The following JAG2 variants were observed in gnomAD, a reference collection of about 807,000 sequenced individuals.
JAG2 encodes the protein jagged canonical Notch ligand 2.
A neutral mutation model predicts 141.7 loss-of-function variants in JAG2; 46 were observed. The observed-to-expected ratio is 0.32, with a 90% CI of 0.26 to 0.42. JAG2 has a LOEUF of 0.42. Among genes scored for constraint, JAG2 ranks in the 10% least tolerant of loss-of-function variants. The probability of loss-of-function intolerance (pLI) is 1.00; values close to 1 mark genes in which losing one functional copy is unlikely to be tolerated. For missense variants in JAG2, 1,500 were observed against 1,817.5 expected (o/e 0.83, Z 3.18); for synonymous variants, 862 against 763.5 (o/e 1.13, Z -2.13).
intron 23 of JAG2, 123 bp downstream of exon 23, chr14:105,145,608 A>G: frequency 7.8e-7 from 1 of 1,283,080 alleles, no homozygotes. Context: ...ACTCTCTGTG[A>G]CCAAGAGTGA....
In JAG2 at chr14:105,142,775, C is replaced by T. The variant is rs754321904; in HGVS notation, c.3637G>A (p.Ala1213Thr). 2 of 1,610,614 alleles carry T rather than the reference C, an allele frequency of 1.2e-6. No individual in the cohort carries two copies. Among genetic ancestry groups the T allele is most frequent in the Non-Finnish European group, 8.5e-7 (1 of 1,178,896 alleles). The change falls in exon 26 of 26, where the codon GCC becomes ACC. Residue 1213 changes from alanine (A) to threonine (T), a missense_variant. This residue lies in a region of JAG2 where 425 missense variants were observed against 441.0 expected (regional missense o/e 0.96). Transcript: ENST00000331782. Reference protein sequence around the residue: ...KDPGRSPGRPAHWASGPKVDN... With the variant: ...KDPGRSPGRPTHWASGPKVDN... The stretch of plus-strand genomic sequence containing the variant: ...ACTTTGGGGCCTGAGGCCCAGTGGG[C>T]CGGCCTCCCCGGCGAGCGGCCAGGA...
intron 2 of JAG2, 123 bp from the exon 3 acceptor site, chr14:105,157,886 C>A (rs1014934287): frequency 1.2e-6 from 1 of 868,634 alleles, no homozygotes; most frequent in South Asian, 1.4e-5. Flanking sequence ...CCTTCCTCCC[C>A]AGCCAGGGAC....
At position 105,150,976 on chromosome 14, in the gene JAG2, A is replaced by AC. The variant is rs587763712; in HGVS notation, c.1381+14dup. 1.1e-3 allele frequency: 1,809 copies of AC among 1,608,320 alleles called. 36 individuals are homozygous for AC. The East Asian group carries it at 0.032, about 28-fold the overall frequency. Reference sequence around the variant, plus strand: ...TGCCTCGGCCCACCCGCCGGCGCCCACCCCCCATACTGACTGATATGGCAG... The same window carrying AC: ...TGCCTCGGCCCACCCGCCGGCGCCCACCCCCCCATACTGACTGATATGGCAG... On this transcript the variant is annotated intron_variant, in intron 10 of 25. Coordinates refer to ENST00000331782, the MANE Select transcript of JAG2 (RefSeq NM_002226.5).
chr14:105,145,202 G>A (rs959555759), intron 23 of JAG2, 141 bp from the exon 24 acceptor site: 7 of 1,205,726 alleles, frequency 5.8e-6, no homozygotes, highest in African/African-American at 1.5e-5. Context: ...AGGGCCTGGG[G>A]GGGCAGCTTC....
intron 24 of JAG2, 72 bp downstream of exon 24, chr14:105,144,858 C>T (rs777089156): frequency 9.6e-6 from 15 of 1,559,886 alleles, no homozygotes; most frequent in Non-Finnish European, 1.2e-5. Context: ...GAGCCTCTGT[C>T]CAGCATAGCC....
Position 105,150,795 on chromosome 14 carries a change from G to T in JAG2, c.1429-18C>A. On this transcript the variant is annotated intron_variant, in intron 11 of 25. Coordinates refer to ENST00000331782, the MANE Select transcript of JAG2 (RefSeq NM_002226.5). ...ACCAGGTCCTGGGCGGGCCAGCCAG[G>T]TGAGCGTCCCGCAGGCACCCTGACG... 1 of 1,581,362 alleles carries T rather than the reference G, an allele frequency of 6.3e-7. No individual in the cohort carries two copies. The highest frequency in any genetic ancestry group is 1.8e-5 in the Admixed American group (1 of 55,090).
At chr14:105,143,217 T>C (rs1375022511) in intron 25 of JAG2, 47 bp from the exon 26 acceptor site, 2 of 1,558,986 alleles carry the variant, frequency 1.3e-6, no homozygotes, top group African/African-American at 2.7e-5. Flanking sequence ...CCTGGGCACC[T>C]GCGGGGCACT....
Position 105,157,687 on chromosome 14 carries a change from T to C in JAG2, c.475+19A>G, listed in dbSNP as rs368720087. ...GCTGAAGCTGAGAGGAGCTGCCACC[T>C]GGCCCAGGGCTCACTCACCATTCGG... On this transcript the variant is annotated intron_variant, in intron 3 of 25. Coordinates refer to ENST00000331782, the MANE Select transcript of JAG2 (RefSeq NM_002226.5). 2.8e-5 allele frequency: 43 copies of C among 1,552,950 alleles called. No individual in the cohort carries two copies. The African/African-American group carries it at 4.8e-4, about 17-fold the overall frequency.
At position 105,143,061 on chromosome 14, in the gene JAG2, C is replaced by A; in HGVS notation, c.3351G>T (p.Arg1117=). The change falls in exon 26 of 26, where the codon CGG becomes CGT. Residue 1117 remains arginine, a synonymous_variant. Transcript: ENST00000331782. ...RKRRKERERS[R]LPREESANNQ... ...TGTTGGCGCTCTCCTCCCGCGGCAG[C>A]CGGCTCCTCTCCCGCTCTTTCCTGC... The A allele has an allele frequency of 1.9e-6, 3 of 1,602,276 alleles. No individual in the cohort carries two copies. Among genetic ancestry groups the A allele is most frequent in the Non-Finnish European group, 2.5e-6 (3 of 1,179,646 alleles).
intron 20 of JAG2, 185 bp downstream of exon 20, chr14:105,147,141 T>A (rs587675784): frequency 1.4e-4 from 90 of 644,606 alleles, no homozygotes; most frequent in African/African-American, 1.2e-3. Context: ...CTTAATCACT[T>A]GGCAGGGTAT....
intron 2 of JAG2, among the ~76,000 whole-genome samples, chr14:105,163,281 AG>A (rs1300387720): frequency 2.0e-5 from 3 of 152,188 alleles, no homozygotes; most frequent in Non-Finnish European, 4.4e-5. Context: ...CACCATCCCC[AG>A]GGCTCTGGGC....
rs1888554485 is a variant in JAG2, at chr14:105,155,562, C to G, written c.788G>C (p.Arg263Thr). The G allele has an allele frequency of 3.1e-6, 5 of 1,612,876 alleles. No individual in the cohort carries two copies. The highest frequency in any genetic ancestry group is 4.2e-6 in the Non-Finnish European group (5 of 1,179,982). ...HGGCTVPGEC[R>T]CSYGWQGRFC... ...AAAGACGGGCCGGCGGCACACTCAC[C>G]TGCACTCCCCAGGCACGGTGCATCC... Residue 263 changes from arginine to threonine, a missense_variant and splice_region_variant, in exon 5 of 26, where the codon AGG becomes ACG. Around this residue, in one of 3 missense-constraint regions of JAG2, gnomAD observed 875 missense variants for 1,202.2 expected, o/e 0.73. Transcript: ENST00000331782.
chr14:105,164,043 A>C (rs1350798886), intron 2 of JAG2, among the ~76,000 whole-genome samples: 2 of 151,998 alleles, frequency 1.3e-5, no homozygotes, highest in Admixed American at 1.3e-4. Flanking sequence ...GCAGCCCAGG[A>C]GGGCCCCTGA....
Position 105,148,788 on chromosome 14 carries a change from G to A in JAG2, c.1977C>T (p.Arg659=). The A allele has an allele frequency of 6.3e-7, 1 of 1,594,000 alleles. No homozygotes were observed. The highest frequency in any genetic ancestry group is 8.5e-7 in the Non-Finnish European group (1 of 1,170,966). The change falls in exon 15 of 26, where the codon CGC becomes CGT. Residue 659 remains arginine (R), a synonymous_variant. Transcript: ENST00000331782. ...CCTCCCAGCCGCTGGGGCAGAAGCA[G>A]CGGAAGGCGTCCACCTCATCGATGC... The part of the protein sequence containing the change: ...GTCIDEVDAF[R]CFCPSGWEGE...
intron 2 of JAG2, among the ~76,000 whole-genome samples, chr14:105,161,972 G>A (rs1318799748): frequency 6.6e-6 from 1 of 152,212 alleles, no homozygotes; most frequent in South Asian, 2.1e-4. Flanking sequence ...TAGAACACAG[G>A]AGGGACTATA....
chr14:105,167,737 G>C lies in JAG2; in HGVS notation c.417+20C>G, dbSNP rs1340927364. 3 of 1,442,722 alleles carry C rather than the reference G, an allele frequency of 2.1e-6. No individual in the cohort carries two copies. The highest frequency in any genetic ancestry group is 2.6e-5 in the Admixed American group (1 of 38,940). The allele number at this position is 1,442,722 out of a possible 1,614,324, so 89.4% of individuals were successfully genotyped here. A position where few individuals can be genotyped will look rare whatever the true frequency, so the allele number is the denominator to read the frequency against. Reference sequence around the variant, plus strand: ...GAGAGAGAGGGAAGGGCTGGAGCACGAGGGATGGAGCGCACGTACCGGCCA... The same window carrying C: ...GAGAGAGAGGGAAGGGCTGGAGCACCAGGGATGGAGCGCACGTACCGGCCA... On this transcript the variant is annotated intron_variant, in intron 2 of 25. Coordinates refer to ENST00000331782, the MANE Select transcript of JAG2 (RefSeq NM_002226.5). This position sits in a 1 kb window ranked among gnomAD's most constrained non-coding sequence, Gnocchi z 4.8.
intron 20 of JAG2, chr14:105,146,941 A>C (rs77297817): frequency 0.13 from 85,672 of 648,368 alleles, 6,043 homozygotes; most frequent in Middle Eastern, 0.19. Flanking sequence ...CTGCTTCTGC[A>C]GTGGGCCTGT....
chr14:105,162,965 G>A (rs1276106468), intron 2 of JAG2, among the ~76,000 whole-genome samples: 1 of 151,970 alleles, frequency 6.6e-6, no homozygotes, highest in Non-Finnish European at 1.5e-5. Context: ...CAAGTCTAGG[G>A]CCCTGCACGG....
At chr14:105,147,610 C>G in intron 18 of JAG2, 83 bp from the exon 19 acceptor site, 1 of 1,431,240 alleles carries the variant, frequency 7.0e-7, no homozygotes, top group Non-Finnish European at 9.8e-7. Flanking sequence ...TTGGCGTGAT[C>G]AGGCTGTGGG....
Sources: gnomAD v4.1 joint callset for allele counts (sites outside exome capture counted in the v4.1 genomes callset) on GRCh38, gnomAD v4.1.1 for gene constraint, gnomAD v4.1.1 regional missense constraint, Gnocchi (gnomAD v3.1) non-coding constraint, MANE v1.5 for transcripts, NCBI Gene and HGNC (gene_info 2026-07-23, HGNC 2026-07-21) for gene names.